Variants in ORAI2 observed in about 807,000 individuals in gnomAD.
The protein encoded by ORAI2 is protein orai-2.
A neutral mutation model predicts 16.2 loss-of-function variants in ORAI2; 10 were observed. The observed-to-expected ratio is 0.62, with a 90% CI of 0.38 to 1.04. ORAI2 has a LOEUF of 1.04. ORAI2 is among the 50% of genes least tolerant of loss of function. The pLI is 0.01. For synonymous variants in ORAI2, 150 were observed against 157.5 expected (o/e 0.95, Z 0.35); for missense variants, 238 against 355.5 (o/e 0.67, Z 2.66).
rs1038067984 is a variant in ORAI2, at chr7:102,449,587, A to T, written c.*2535A>T. 3 of 152,056 alleles carry T rather than the reference A, an allele frequency of 2.0e-5. No individual in the cohort carries two copies. Among genetic ancestry groups the T allele is most frequent in the Admixed American group, 6.6e-5 (1 of 15,260 alleles). The allele number at this position is 152,056 out of a possible 1,614,324, so 9.4% of individuals were successfully genotyped here. On this transcript the variant is annotated 3_prime_UTR_variant, in exon 4 of 4. Transcript: ENST00000495936. ...CCGGGTATGGTGGCGGGTACCTGTA[A>T]TCCCAGCTACTCAGGAGGCTGAGGC...
rs557990285 is a variant in ORAI2 at position 102,446,496 on chromosome 7, G to C, written c.226-17G>C. On this transcript the variant is annotated splice_polypyrimidine_tract_variant and intron_variant, in intron 3 of 3. Transcript: ENST00000495936. ...GCCCTCTCCACACCCAGCACCACTC[G>C]TCTGCTGTCCCCGCAGGTGGCCATG... 11 of 1,595,360 alleles carry C rather than the reference G, an allele frequency of 6.9e-6. No individual in the cohort carries two copies. The highest frequency in any genetic ancestry group is 1.1e-5 in the South Asian group (1 of 88,384).
At position 102,446,537 on chromosome 7, in the gene ORAI2, G is replaced by A; in HGVS notation, c.250G>A (p.Glu84Lys). The part of the protein sequence containing the change: ...AMVAMVEVQL[E>K]TQYQYPRPLL... Reference sequence around the variant, plus strand: ...GGTGGCCATGGTGGAGGTGCAGCTGGAGACGCAGTACCAGTACCCGCGGCC... The same window carrying A: ...GGTGGCCATGGTGGAGGTGCAGCTGAAGACGCAGTACCAGTACCCGCGGCC... The change falls in exon 4 of 4, where the codon GAG (glutamate) becomes AAG (lysine). Residue 84 changes from glutamate (E) to lysine (K), a missense_variant. Glu to Lys is a moderately conservative substitution (Grantham distance 56). Around this residue, in one of 3 missense-constraint regions of ORAI2, gnomAD observed 176 missense variants for 265.9 expected, o/e 0.66. Transcript: ENST00000495936. The A allele has an allele frequency of 6.2e-7, 1 of 1,610,530 alleles. No homozygotes were observed. The highest frequency in any genetic ancestry group is 8.5e-7 in the Non-Finnish European group (1 of 1,178,756).
rs1217516417 is a variant in ORAI2 at position 102,438,961 on chromosome 7, G to C, written c.5G>C (p.Ser2Thr). ...ACCCTTAGCCTGGCTCCCACCATGA[G>C]TGCTGAGCTTAACGTGCCTATCGAC... MSAELNVPIDPS... is the reference protein window; with the variant it reads MTAELNVPIDPS... Residue 2 changes from serine (S) to threonine (T), a missense_variant, in exon 3 of 4, where the codon AGT (serine) becomes ACT (threonine). Transcript: ENST00000495936. The C allele has an allele frequency of 6.2e-7, 1 of 1,613,820 alleles. No individual in the cohort carries two copies. Among genetic ancestry groups the C allele is most frequent in the Non-Finnish European group, 8.5e-7 (1 of 1,180,024 alleles).
chr7:102,438,912 G>T, intron 2 of ORAI2, 32 bp from the exon 3 acceptor site: 1 of 1,600,676 alleles, frequency 6.2e-7, no homozygotes. Context: ...AGTAACCTAG[G>T]ATGTCTGAGC....
chr7:102,447,166 C>T lies in ORAI2; in HGVS notation c.*114C>T. On this transcript the variant is annotated 3_prime_UTR_variant, in exon 4 of 4. Coordinates refer to ENST00000495936, the MANE Select transcript of ORAI2 (RefSeq NM_001126340.3). ...CCGGGTAGTTCAAGACCAAAGTTTT[C>T]CTCTTGTCTTAATACCATAAGGACT... The T allele has an allele frequency of 1.7e-6, 2 of 1,174,288 alleles. No homozygotes were observed. The highest frequency in any genetic ancestry group is 2.9e-4 in the Middle Eastern group (1 of 3,414). The allele number at this position is 1,174,288 out of a possible 1,614,324, so 72.7% of individuals were successfully genotyped here.
Position 102,446,754 on chromosome 7 carries a change from T to G in ORAI2, c.467T>G (p.Leu156Arg). The change falls in exon 4 of 4, where the codon CTT becomes CGT. Residue 156 changes from leucine (L) to arginine (R), a missense_variant. Physicochemically the swap from Leu to Arg is moderately radical, Grantham distance 102. Coordinates refer to ENST00000495936, the MANE Select transcript of ORAI2 (RefSeq NM_001126340.3). ...IELAWGFSTVLGILLFLAEVV... is the reference protein window; with the variant it reads ...IELAWGFSTVRGILLFLAEVV... ...CTGGCCTGGGGCTTCTCCACCGTGCTTGGCATCCTACTCTTCCTGGCCGAG... is the reference window on the plus strand; with the variant it reads ...CTGGCCTGGGGCTTCTCCACCGTGCGTGGCATCCTACTCTTCCTGGCCGAG... The G allele has an allele frequency of 6.2e-7, 1 of 1,614,176 alleles. No individual in the cohort carries two copies.
intron 3 of ORAI2, among the ~76,000 whole-genome samples, chr7:102,441,600 T>G (rs1586711336): frequency 6.8e-6 from 1 of 147,216 alleles, no homozygotes; most frequent in African/African-American, 2.5e-5. Flanking sequence ...CCCAGGCTGG[T>G]TTTTTTTTTC....
In ORAI2 at chr7:102,452,162, GCT is replaced by G. The variant is rs1797539444; in HGVS notation, c.*5113_*5114del. ...TTTTTTTTTTTTTTGAGACAGAGTC[GCT>G]CTGTCACCCAAGCTGGAATGCGGTG... On this transcript the variant is annotated 3_prime_UTR_variant, in exon 4 of 4. Coordinates refer to ENST00000495936, the MANE Select transcript of ORAI2 (RefSeq NM_001126340.3). 2 of 150,786 alleles carry G rather than the reference GCT, an allele frequency of 1.3e-5. No individual in the cohort carries two copies. Among genetic ancestry groups the G allele is most frequent in the South Asian group, 4.2e-4 (2 of 4,800 alleles). The allele number at this position is 150,786 out of a possible 1,614,324, so 9.3% of individuals were successfully genotyped here.
chr7:102,441,607 T>C (rs554029087), intron 3 of ORAI2, among the ~76,000 whole-genome samples: 1 of 152,100 alleles, frequency 6.6e-6, no homozygotes, highest in East Asian at 1.9e-4. Context: ...TGGTTTTTTT[T>C]TTCTTTAATT....
Position 102,438,990 on chromosome 7 carries a change from T to A in ORAI2, c.34T>A (p.Ser12Thr), listed in dbSNP as rs1431521667. 1 of 1,613,764 alleles carries A rather than the reference T, an allele frequency of 6.2e-7. No homozygotes were observed. The highest frequency in any genetic ancestry group is 8.5e-7 in the Non-Finnish European group (1 of 1,179,960). Residue 12 changes from serine (S) to threonine (T), a missense_variant, in exon 3 of 4, where the codon TCT (serine) becomes ACT (threonine). By Grantham distance (58) the Ser-to-Thr change is moderately conservative. Coordinates refer to ENST00000495936, the MANE Select transcript of ORAI2 (RefSeq NM_001126340.3). ...SAELNVPIDP[S>T]APACPEPGHK... ...TGAGCTTAACGTGCCTATCGACCCC[T>A]CTGCTCCTGCCTGCCCTGAGCCCGG...
At position 102,446,545 on chromosome 7, in the gene ORAI2, G is replaced by A; in HGVS notation, c.258G>A (p.Gln86=). The A allele has an allele frequency of 1.2e-6, 2 of 1,611,772 alleles. No individual in the cohort carries two copies. Among genetic ancestry groups the A allele is most frequent in the South Asian group, 1.1e-5 (1 of 90,952 alleles). Residue 86 remains glutamine (Q), a synonymous_variant, in exon 4 of 4, where the codon CAG becomes CAA. Transcript: ENST00000495936. ...TGGTGGAGGTGCAGCTGGAGACGCAGTACCAGTACCCGCGGCCGCTGCTGA... is the reference window on the plus strand; with the variant it reads ...TGGTGGAGGTGCAGCTGGAGACGCAATACCAGTACCCGCGGCCGCTGCTGA... The part of the protein sequence containing the change: ...VAMVEVQLET[Q]YQYPRPLLIA...
In ORAI2 at chr7:102,441,002, C is replaced by T. The variant is rs193248597; in HGVS notation, c.225+1821C>T. Among the ~76,000 whole-genome samples the T allele has an allele frequency of 4.8e-3, 738 of 152,214 alleles. 3 individuals are homozygous for T. Among genetic ancestry groups the T allele is most frequent in the African/African-American group, 0.017 (693 of 41,552 alleles). ...CTGCCTCCTGGATTCAAGCGATTCTCCTGCCTCAGCCTTTCGAGTAGCTGG... is the reference window on the plus strand; with the variant it reads ...CTGCCTCCTGGATTCAAGCGATTCTTCTGCCTCAGCCTTTCGAGTAGCTGG... On this transcript the variant is annotated intron_variant, in intron 3 of 3. Coordinates refer to ENST00000495936, the MANE Select transcript of ORAI2 (RefSeq NM_001126340.3).
At chr7:102,446,229 G>C (rs774805952) in intron 3 of ORAI2, among the ~76,000 whole-genome samples, 3 of 152,236 alleles carry the variant, frequency 2.0e-5, no homozygotes, top group African/African-American at 7.2e-5. Flanking sequence ...GATTATAGGC[G>C]TGAGCGACCA....
Position 102,433,679 on chromosome 7 carries a change from G to A in ORAI2, c.-123+18G>A, listed in dbSNP as rs1209098315. The A allele has an allele frequency of 6.6e-6, 1 of 152,374 alleles. No homozygotes were observed. The highest frequency in any genetic ancestry group is 1.5e-5 in the Non-Finnish European group (1 of 68,380). The allele number at this position is 152,374 out of a possible 1,614,324, so 9.4% of individuals were successfully genotyped here. A position where few individuals can be genotyped will look rare whatever the true frequency, so the allele number is the denominator to read the frequency against. On this transcript the variant is annotated intron_variant, in intron 1 of 3. Transcript: ENST00000495936. This position sits in a 1 kb window ranked among gnomAD's most constrained non-coding sequence, Gnocchi z 4.6. ...CAGCTCCGGTGAGTGTGGCGGCGCG[G>A]GGGCCTGGCGCGGGGAGCGGGGTCC...
At chr7:102,434,121 C>CAAAAAA (rs55642836) in intron 1 of ORAI2, among the ~76,000 whole-genome samples, 3 of 67,018 alleles carry the variant, frequency 4.5e-5, no homozygotes, top group African/African-American at 1.1e-4. Context: ...CTCATTAAAG[C>CAAAAAA]AAAAAAAAAA....
rs1338942309 is a variant in ORAI2 at position 102,454,666 on chromosome 7, G to A, written c.*7614G>A. 2.0e-5 allele frequency: 3 copies of A among 152,322 alleles called. No homozygotes were observed. The highest frequency in any genetic ancestry group is 7.2e-5 in the African/African-American group (3 of 41,478). The allele number at this position is 152,322 out of a possible 1,614,324, so 9.4% of individuals were successfully genotyped here. A position where few individuals can be genotyped will look rare whatever the true frequency, so the allele number is the denominator to read the frequency against. ...CGCTGGGCCTGCTCTGGAGCGGGAT[G>A]TCTCCAGAAGCCGCCCTTGGAGCGG... On this transcript the variant is annotated 3_prime_UTR_variant, in exon 4 of 4. Transcript: ENST00000495936.
At position 102,455,721 on chromosome 7, in the gene ORAI2, C is replaced by G. The variant is rs145970101; in HGVS notation, c.*8669C>G. The G allele has an allele frequency of 6.6e-6, 1 of 152,280 alleles. No individual in the cohort carries two copies. Among genetic ancestry groups the G allele is most frequent in the Admixed American group, 6.5e-5 (1 of 15,282 alleles). 9.4% of individuals were successfully genotyped at this position (152,280 alleles called of 1,614,324 possible). ...TGCGCAGTGAGGGGCCCGTTGGGGC[C>G]GTGATACTGGGAGGAAGCCGGGCTC... is the stretch of plus-strand genomic sequence containing the variant. On this transcript the variant is annotated 3_prime_UTR_variant, in exon 4 of 4. Transcript: ENST00000495936.
At position 102,453,573 on chromosome 7, in the gene ORAI2, G is replaced by A. The variant is rs1010285111; in HGVS notation, c.*6521G>A. On this transcript the variant is annotated 3_prime_UTR_variant, in exon 4 of 4. Transcript: ENST00000495936. ...TGGGCTGGGCAGTGGCCTCAGTACCGAGCCCCAGGCCAGCAAGCCCACAAG... is the reference window on the plus strand; with the variant it reads ...TGGGCTGGGCAGTGGCCTCAGTACCAAGCCCCAGGCCAGCAAGCCCACAAG... The A allele has an allele frequency of 2.0e-5, 3 of 152,198 alleles. No homozygotes were observed. Among genetic ancestry groups the A allele is most frequent in the East Asian group, 1.9e-4 (1 of 5,182 alleles). The allele number at this position is 152,198 out of a possible 1,614,324, so 9.4% of individuals were successfully genotyped here. A position where few individuals can be genotyped will look rare whatever the true frequency, so the allele number is the denominator to read the frequency against.
Position 102,433,859 on chromosome 7 carries a change from C to T in ORAI2, c.-123+198C>T, listed in dbSNP as rs1682642639. Among the ~76,000 whole-genome samples the T allele has an allele frequency of 6.6e-6, 1 of 151,920 alleles. No individual in the cohort carries two copies. The highest frequency in any genetic ancestry group is 2.4e-5 in the African/African-American group (1 of 41,384). On this transcript the variant is annotated intron_variant, in intron 1 of 3. Coordinates refer to ENST00000495936, the MANE Select transcript of ORAI2 (RefSeq NM_001126340.3). This position sits in a 1 kb window ranked among gnomAD's most constrained non-coding sequence, Gnocchi z 4.6. ...GCGGCGCCCAGAGGATCAGGGTCGGCGGCGCAGCCGGTTCCGGACACCGGG... is the reference window on the plus strand; with the variant it reads ...GCGGCGCCCAGAGGATCAGGGTCGGTGGCGCAGCCGGTTCCGGACACCGGG...
Sources: allele counts gnomAD v4.1 joint callset (sites outside exome capture counted in the v4.1 genomes callset), GRCh38; gene constraint gnomAD v4.1.1; regional missense constraint gnomAD v4.1.1; non-coding constraint Gnocchi (gnomAD v3.1); transcripts MANE v1.5; gene names NCBI Gene and HGNC (gene_info 2026-07-23, HGNC 2026-07-21).